Variants in LIG3 observed in about 807,000 individuals in gnomAD.
The protein encoded by LIG3 is ligase II, DNA, ATP-dependent.
In LIG3, 58 loss-of-function variants were observed where a neutral mutation model predicts 110.9. That is an observed-to-expected ratio of 0.52 (90% confidence interval 0.42 to 0.65). The LOEUF is 0.65. Ranked by LOEUF, LIG3 falls within the 30% of genes least tolerant of loss-of-function variation. The probability of loss-of-function intolerance (pLI) is 0.00; values close to 1 mark genes in which losing one functional copy is unlikely to be tolerated. For synonymous variants in LIG3, 422 were observed against 472.8 expected (o/e 0.89, Z 1.39); for missense variants, 1,094 against 1,273.8 (o/e 0.86, Z 2.15).
Position 34,992,678 on chromosome 17 carries a change from G to C in LIG3, c.1441G>C (p.Val481Leu). The part of the protein sequence containing the change: ...LSVQASLMTP[V>L]QPMLAEACKS... Reference sequence around the variant, plus strand: ...CGTCCAGGCCTCGCTGATGACACCTGTGCAGCCCATGTTGGTGAGGAGTGC... The same window carrying C: ...CGTCCAGGCCTCGCTGATGACACCTCTGCAGCCCATGTTGGTGAGGAGTGC... The change falls in exon 8 of 20, where the codon GTG becomes CTG. Residue 481 changes from valine (V) to leucine (L), a missense_variant. Coordinates refer to ENST00000378526, the MANE Select transcript of LIG3 (RefSeq NM_013975.4). 1.3e-6 allele frequency: 2 copies of C among 1,598,900 alleles called. No individual in the cohort carries two copies. Among genetic ancestry groups the C allele is most frequent in the Non-Finnish European group, 1.7e-6 (2 of 1,173,476 alleles).
In LIG3 at chr17:35,007,137, A is replaced by G. The variant is rs1597807411; in HGVS notation, c.*2631A>G. 6.6e-6 allele frequency: 1 copy of G among 152,182 alleles called. No individual in the cohort carries two copies. The highest frequency in any genetic ancestry group is 2.4e-5 in the African/African-American group (1 of 41,422). The allele number at this position is 152,182 out of a possible 1,614,324, so 9.4% of individuals were successfully genotyped here. ...AGGCTGTCTCCTCAGGATCCTGCCA[A>G]AGGCACTGTCCTCTCCAACCTGGAC... is the stretch of plus-strand genomic sequence containing the variant. On this transcript the variant is annotated 3_prime_UTR_variant, in exon 20 of 20. Coordinates refer to ENST00000378526, the MANE Select transcript of LIG3 (RefSeq NM_013975.4).
chr17:34,996,793 C>G, intron 11 of LIG3, 140 bp downstream of exon 11: 1 of 711,722 alleles, frequency 1.4e-6, no homozygotes, highest in Non-Finnish European at 2.5e-6. Context: ...AGGAGCTTGC[C>G]AAAGGCAATG....
intron 3 of LIG3, among the ~76,000 whole-genome samples, chr17:34,987,672 G>C (rs1221315324): frequency 1.3e-5 from 2 of 152,188 alleles, no homozygotes; most frequent in African/African-American, 4.8e-5. Flanking sequence ...TTTAGCCTCT[G>C]TCTATGAAGC....
chr17:34,989,392 T>C, intron 3 of LIG3, 74 bp from the exon 4 acceptor site: 3 of 1,328,606 alleles, frequency 2.3e-6, no homozygotes, highest in East Asian at 2.4e-5. Context: ...GCAGAATATC[T>C]GTTAGTTTCC....
rs1337106649 is a variant in LIG3 at position 35,006,047 on chromosome 17, G to GA, written c.*1548dup. 2 of 230,080 alleles carry GA rather than the reference G, an allele frequency of 8.7e-6. No individual in the cohort carries two copies. The highest frequency in any genetic ancestry group is 1.1e-4 in the East Asian group (1 of 8,870). The allele number at this position is 230,080 out of a possible 1,614,324, so 14.3% of individuals were successfully genotyped here. ...AGAAAATATACTCCATATCTGCAGG[G>GA]AAAAAAATAAAAATCCACACCTGAG... On this transcript the variant is annotated 3_prime_UTR_variant, in exon 20 of 20. Transcript: ENST00000378526.
chr17:35,002,154 A>C, intron 18 of LIG3, 50 bp downstream of exon 18: 1 of 1,459,184 alleles, frequency 6.9e-7, no homozygotes, highest in Admixed American at 2.4e-5. Flanking sequence ...TGTGAGGGGC[A>C]GAGATCCAAG....
Position 35,004,571 on chromosome 17 carries a change from G to A in LIG3, c.*65G>A. 1 of 1,360,968 alleles carries A rather than the reference G, an allele frequency of 7.3e-7. No homozygotes were observed. The highest frequency in any genetic ancestry group is 1.0e-6 in the Non-Finnish European group (1 of 958,748). 84.3% of individuals were successfully genotyped at this position (1,360,968 alleles called of 1,614,324 possible). A position where few individuals can be genotyped will look rare whatever the true frequency, so the allele number is the denominator to read the frequency against. ...TACCATACTACTGGACTGGACTCAG[G>A]CTGGAGGCAGATAGACACAGTATAG... On this transcript the variant is annotated 3_prime_UTR_variant, in exon 20 of 20. Coordinates refer to ENST00000378526, the MANE Select transcript of LIG3 (RefSeq NM_013975.4).
chr17:34,991,747 C>CCATCCAG lies in LIG3; in HGVS notation c.1119_1125dup (p.Glu376HisfsTer6), dbSNP rs1219750249. On this transcript the variant is annotated frameshift_variant, in exon 6 of 20. Coordinates refer to ENST00000378526, the MANE Select transcript of LIG3 (RefSeq NM_013975.4). LOFTEE classifies it high-confidence loss of function. ...CCCCCAGCTGCCAAGAGCCTCCTTA[C>CCATCCAG]CATCCAGGAAGTGGATGAGTTCCTT... 1 of 1,614,124 alleles carries CCATCCAG rather than the reference C, an allele frequency of 6.2e-7. No homozygotes were observed. Among genetic ancestry groups the CCATCCAG allele is most frequent in the Non-Finnish European group, 8.5e-7 (1 of 1,180,010 alleles).
At position 34,980,544 on chromosome 17, in the gene LIG3, T is replaced by C. The variant is rs998025266; in HGVS notation, c.-83T>C. The C allele has an allele frequency of 3.1e-6, 4 of 1,286,782 alleles. No homozygotes were observed. The highest frequency in any genetic ancestry group is 4.1e-6 in the Non-Finnish European group (4 of 987,382). 79.7% of individuals were successfully genotyped at this position (1,286,782 alleles called of 1,614,324 possible). ...GACCCGGATTTAAAGAGACAGGCGC[T>C]CCAACCGTCGTGGGCTGCCCGCGGC... On this transcript the variant is annotated 5_prime_UTR_variant, in exon 1 of 20. Coordinates refer to ENST00000378526, the MANE Select transcript of LIG3 (RefSeq NM_013975.4).
intron 11 of LIG3, chr17:34,997,415 T>G: frequency 3.8e-6 from 1 of 265,910 alleles, no homozygotes; most frequent in Admixed American, 4.2e-5. Context: ...GGATAAAAAA[T>G]GAGAGTTGGA....
In LIG3 at chr17:35,006,841, C is replaced by T. The variant is rs1282609673; in HGVS notation, c.*2335C>T. On this transcript the variant is annotated 3_prime_UTR_variant, in exon 20 of 20. Transcript: ENST00000378526. Reference sequence around the variant, plus strand: ...CCCCCCCCAACTTTGATCTGATTGACTTTGGCTTCCACCTACTGTTTAAAA... The same window carrying T: ...CCCCCCCCAACTTTGATCTGATTGATTTTGGCTTCCACCTACTGTTTAAAA... 6.8e-6 allele frequency: 1 copy of T among 147,034 alleles called. No homozygotes were observed. Among genetic ancestry groups the T allele is most frequent in the East Asian group, 2.2e-4 (1 of 4,506 alleles). The allele number at this position is 147,034 out of a possible 1,614,324, so 9.1% of individuals were successfully genotyped here.
At chr17:34,990,311 G>A (rs2142250718) in intron 4 of LIG3, among the ~76,000 whole-genome samples, 2 of 152,320 alleles carry the variant, frequency 1.3e-5, no homozygotes, top group South Asian at 4.1e-4. Flanking sequence ...AAAAAATGTG[G>A]CTGTGTTGCC....
In LIG3 at chr17:34,999,433, T is replaced by C; in HGVS notation, c.2240T>C (p.Met747Thr). ...GCCCGCCTGCAGAATGAACTAGACA[T>C]GGTGAAGATCAGCAAGGTGAGGAAG... is the stretch of plus-strand genomic sequence containing the variant. ...TLARLQNELD[M>T]VKISKDPSKI... Residue 747 changes from methionine (M) to threonine (T), a missense_variant, in exon 15 of 20, where the codon ATG becomes ACG. Coordinates refer to ENST00000378526, the MANE Select transcript of LIG3 (RefSeq NM_013975.4). 1 of 1,613,872 alleles carries C rather than the reference T, an allele frequency of 6.2e-7. No individual in the cohort carries two copies. Among genetic ancestry groups the C allele is most frequent in the Non-Finnish European group, 8.5e-7 (1 of 1,179,850 alleles).
intron 8 of LIG3, 40 bp downstream of exon 8, chr17:34,992,732 A>G: frequency 6.6e-7 from 1 of 1,520,594 alleles, no homozygotes; most frequent in Non-Finnish European, 8.8e-7. Flanking sequence ...CAGCCTCTCC[A>G]AGCTCCACAT....
At position 34,980,549 on chromosome 17, in the gene LIG3, C is replaced by G. The variant is rs748075102; in HGVS notation, c.-78C>G. The G allele has an allele frequency of 7.8e-7, 1 of 1,287,346 alleles. No individual in the cohort carries two copies. Among genetic ancestry groups the G allele is most frequent in the South Asian group, 1.2e-5 (1 of 80,608 alleles). The allele number at this position is 1,287,346 out of a possible 1,614,324, so 79.7% of individuals were successfully genotyped here. On this transcript the variant is annotated 5_prime_UTR_variant, in exon 1 of 20. Coordinates refer to ENST00000378526, the MANE Select transcript of LIG3 (RefSeq NM_013975.4). ...GGATTTAAAGAGACAGGCGCTCCAA[C>G]CGTCGTGGGCTGCCCGCGGCCTGTA...
chr17:35,001,990 A>G lies in LIG3; in HGVS notation c.2560A>G (p.Ser854Gly). Residue 854 changes from serine to glycine, a missense_variant, in exon 18 of 20, where the codon AGT becomes GGT. Coordinates refer to ENST00000378526, the MANE Select transcript of LIG3 (RefSeq NM_013975.4). ...DEGSSTTGGS[S>G]EENKGPSGSA... is the part of the protein sequence containing the mutation. ...GGGGAGCTCCACTACAGGGGGTAGC[A>G]GTGAAGAGAATAAGGGTCCCTCAGG... The G allele has an allele frequency of 6.2e-7, 1 of 1,613,200 alleles. No homozygotes were observed. Among genetic ancestry groups the G allele is most frequent in the African/African-American group, 1.3e-5 (1 of 74,972 alleles).
rs769626586 is a variant in LIG3 at position 34,996,145 on chromosome 17, G to T, written c.1693G>T (p.Asp565Tyr). Residue 565 changes from aspartate (D) to tyrosine (Y), a missense_variant, in exon 10 of 20, where the codon GAC becomes TAC. By Grantham distance (160) the Asp-to-Tyr change is radical. Coordinates refer to ENST00000378526, the MANE Select transcript of LIG3 (RefSeq NM_013975.4). ...MILDSEVLLIDNKTGKPLPFG... is the reference protein window; with the variant it reads ...MILDSEVLLIYNKTGKPLPFG... Reference sequence around the variant, plus strand: ...CTTGGATTCTGAAGTGCTTCTGATTGACAACAAGACAGGCAAACCACTGCC... The same window carrying T: ...CTTGGATTCTGAAGTGCTTCTGATTTACAACAAGACAGGCAAACCACTGCC... 14 of 1,614,014 alleles carry T rather than the reference G, an allele frequency of 8.7e-6. No individual in the cohort carries two copies. In the Admixed American group the frequency reaches 2.3e-4, roughly 27 times the overall value.
rs2090876558 is a variant in LIG3, at chr17:35,004,299, G to C, written c.2823G>C (p.Val941=). ...TKVLLDIFTG[V]RLYLPPSTPD... ...TATTGCTGGACATCTTCACTGGGGTGCGGCTTTACTTGCCACCCTCCACAC... is the reference window on the plus strand; with the variant it reads ...TATTGCTGGACATCTTCACTGGGGTCCGGCTTTACTTGCCACCCTCCACAC... The change falls in exon 20 of 20, where the codon GTG becomes GTC. Residue 941 remains valine (V), a synonymous_variant. Coordinates refer to ENST00000378526, the MANE Select transcript of LIG3 (RefSeq NM_013975.4). The C allele has an allele frequency of 1.2e-6, 2 of 1,614,156 alleles. No homozygotes were observed. The highest frequency in any genetic ancestry group is 4.5e-5 in the East Asian group (2 of 44,872).
intron 5 of LIG3, chr17:34,991,356 A>G: frequency 1.8e-6 from 1 of 569,486 alleles, no homozygotes; most frequent in Non-Finnish European, 3.1e-6. Context: ...CTCAAAAGGC[A>G]GAATTTGAGA....
Sources: gnomAD v4.1 joint callset for allele counts (sites outside exome capture counted in the v4.1 genomes callset) on GRCh38, gnomAD v4.1.1 for gene constraint, MANE v1.5 for transcripts, NCBI Gene and HGNC (gene_info 2026-07-23, HGNC 2026-07-21) for gene names.